The following RIMS2 variants were observed in gnomAD, a reference collection of about 807,000 sequenced individuals.
RIMS2 encodes the protein regulating synaptic membrane exocytosis protein 2.
A neutral mutation model predicts 174.4 loss-of-function variants in RIMS2; 59 were observed. The ratio of observed to expected loss-of-function variants is 0.34; its 90% confidence interval spans 0.27 to 0.42. RIMS2 has a LOEUF of 0.42. Among genes scored for constraint, RIMS2 ranks in the 10% least tolerant of loss-of-function variants. The probability of loss-of-function intolerance (pLI) is 1.00; values close to 1 mark genes in which losing one functional copy is unlikely to be tolerated. For missense variants in RIMS2, 1,620 were observed against 1,666.3 expected, an observed-to-expected ratio of 0.97 and a Z score of 0.48; for synonymous variants, 606 against 572.5, an observed-to-expected ratio of 1.06 and a Z score of -0.84.
chr8:103,656,472 C>T (rs1051323724), intron 1 of RIMS2, among the ~76,000 whole-genome samples: 8 of 152,022 alleles, frequency 5.3e-5, no homozygotes, highest in Admixed American at 4.6e-4. Flanking sequence ...AATCCTTATA[C>T]CTATCCTGGG....
In RIMS2 at chr8:103,591,380, T is replaced by A. The variant is rs562967656; in HGVS notation, c.176+90318T>A. On this transcript the variant is annotated intron_variant, in intron 1 of 23. Coordinates refer to ENST00000504942, the Ensembl canonical transcript of RIMS2. ...TATGCTTGTCTTCTCATTTTCTTCA[T>A]AATATCTTTTGATGAAAGTTAGTTT... is the stretch of plus-strand genomic sequence containing the variant. 3.3e-5 allele frequency among the ~76,000 whole-genome samples: 5 copies of A among 151,342 alleles called. No homozygotes were observed. In the South Asian group the frequency reaches 1.0e-3, roughly 31 times the overall value.
chr8:104,171,595 CTT>C (rs1247882115), intron 19 of RIMS2, among the ~76,000 whole-genome samples: 2 of 151,850 alleles, frequency 1.3e-5, no homozygotes, highest in African/African-American at 4.8e-5. Flanking sequence ...TCTGTTATCT[CTT>C]TGAGTAGCTT....
rs192843784 is a variant in RIMS2 at position 103,790,583 on chromosome 8, T to C, written c.698+24046T>C. Among the ~76,000 whole-genome samples, 252 of 152,332 alleles carry C rather than the reference T, an allele frequency of 1.7e-3. 5 individuals are homozygous for C. The highest frequency in any genetic ancestry group is 6.8e-3 in the Middle Eastern group (2 of 294). ...GTGTGTAACTTTTTGTGTGGACATA[T>C]GTTTTTAATTCTCTTGTCTGTATTT... On this transcript the variant is annotated intron_variant, in intron 3 of 23. Transcript: ENST00000504942.
At chr8:103,829,641 G>A (rs775620861) in intron 3 of RIMS2, among the ~76,000 whole-genome samples, 7 of 152,290 alleles carry the variant, frequency 4.6e-5, no homozygotes, top group Middle Eastern at 3.4e-3. Context: ...TCACTTACAA[G>A]TGGGAGCTAA....
chr8:103,852,866 G>T (rs1278968977), intron 3 of RIMS2, among the ~76,000 whole-genome samples: 1 of 151,998 alleles, frequency 6.6e-6, no homozygotes, highest in Non-Finnish European at 1.5e-5. Context: ...CCACGAACAT[G>T]TGAGTGCATG....
chr8:104,220,008 T>C (rs1402554116), intron 19 of RIMS2, among the ~76,000 whole-genome samples: 1 of 152,176 alleles, frequency 6.6e-6, no homozygotes, highest in Non-Finnish European at 1.5e-5. Flanking sequence ...TAGATAATGT[T>C]ATACATAGGA....
chr8:103,911,847 T>C (rs1453246647), intron 5 of RIMS2, among the ~76,000 whole-genome samples: 1 of 152,148 alleles, frequency 6.6e-6, no homozygotes, highest in African/African-American at 2.4e-5. Context: ...GAAAAAAACT[T>C]TGAGATTATA....
intron 3 of RIMS2, among the ~76,000 whole-genome samples, chr8:103,856,982 C>T (rs1400377739): frequency 3.3e-5 from 5 of 151,904 alleles, no homozygotes; most frequent in Non-Finnish European, 5.9e-5. Flanking sequence ...AAAAGATTTC[C>T]AATAAGTTTA....
chr8:104,081,814 C>T (rs776317753), intron 19 of RIMS2, among the ~76,000 whole-genome samples: 2 of 152,000 alleles, frequency 1.3e-5, no homozygotes, highest in Non-Finnish European at 2.9e-5. Context: ...ATATGGTGAA[C>T]TTGTGAATGA....
chr8:104,120,953 T>A (rs1487711612), intron 19 of RIMS2, among the ~76,000 whole-genome samples: 1 of 152,180 alleles, frequency 6.6e-6, no homozygotes, highest in Non-Finnish European at 1.5e-5. Context: ...TACAAGAAAG[T>A]GAGCTAATTA....
intron 2 of RIMS2, among the ~76,000 whole-genome samples, chr8:103,759,564 CAAAAAAAAAAA>C (rs35946104): frequency 4.3e-5 from 3 of 70,028 alleles, no homozygotes; most frequent in South Asian, 6.1e-4. Context: ...GACTCCGTCT[CAAAAAAAAAAA>C]AAAAAAAAAA....
intron 9 of RIMS2, 178 bp downstream of exon 12, chr8:103,918,665 T>A (rs1005007887): frequency 3.7e-5 from 21 of 574,312 alleles, no homozygotes; most frequent in Middle Eastern, 4.6e-4. Flanking sequence ...AAAACAAAAA[T>A]GTAGAATATT....
intron 19 of RIMS2, among the ~76,000 whole-genome samples, chr8:104,157,149 A>G (rs1600194365): frequency 6.6e-6 from 1 of 152,240 alleles, no homozygotes; most frequent in East Asian, 1.9e-4. Flanking sequence ...ACTGTATGTT[A>G]TTTACTACAA....
intron 3 of RIMS2, among the ~76,000 whole-genome samples, chr8:103,799,775 A>G (rs1029255739): frequency 1.3e-5 from 2 of 152,164 alleles, no homozygotes; most frequent in Admixed American, 1.3e-4. Flanking sequence ...TTATCTGTCA[A>G]TTTGAAAAAA....
intron 1 of RIMS2, among the ~76,000 whole-genome samples, chr8:103,658,736 T>C (rs1427129980): frequency 6.6e-6 from 1 of 152,182 alleles, no homozygotes; most frequent in Non-Finnish European, 1.5e-5. Flanking sequence ...TTTCATGAAG[T>C]GTCCAGGACA....
At chr8:103,662,127 T>TAATC (rs2096608817) in intron 1 of RIMS2, among the ~76,000 whole-genome samples, 4 of 152,220 alleles carry the variant, frequency 2.6e-5, no homozygotes, top group Non-Finnish European at 4.4e-5. Flanking sequence ...CTTATAATAC[T>TAATC]TTAAGAAAGT....
intron 1 of RIMS2, among the ~76,000 whole-genome samples, chr8:103,534,411 G>A (rs556175163): frequency 1.9e-4 from 29 of 152,238 alleles, no homozygotes; most frequent in African/African-American, 6.5e-4. Context: ...CTGTGTAATT[G>A]AAGAGTTAAT....
At chr8:104,199,723 G>C (rs1421231422) in intron 19 of RIMS2, among the ~76,000 whole-genome samples, 3 of 152,176 alleles carry the variant, frequency 2.0e-5, no homozygotes, top group Non-Finnish European at 4.4e-5. Context: ...AGAGATGCAG[G>C]AGAACATTCT....
In RIMS2 at chr8:104,214,150, T is replaced by C. The variant is rs756638789; in HGVS notation, c.3335-30766T>C. On this transcript the variant is annotated intron_variant, in intron 19 of 23. Coordinates refer to ENST00000504942, the Ensembl canonical transcript of RIMS2. ...ATAAAGCAGTGGTCAAGGAGAAGCA[T>C]TACAGCATTTTCCCTTAATTAGAAT... Among the ~76,000 whole-genome samples, 13 of 152,140 alleles carry C rather than the reference T, an allele frequency of 8.5e-5. No homozygotes were observed. In the South Asian group the frequency reaches 1.0e-3, roughly 12 times the overall value.
Sources: allele counts gnomAD v4.1 joint callset (sites outside exome capture counted in the v4.1 genomes callset), GRCh38; gene constraint gnomAD v4.1.1; transcripts MANE v1.5; gene names NCBI Gene and HGNC (gene_info 2026-07-23, HGNC 2026-07-21).